SLC40A1: variants seen among roughly 807,000 people sequenced by gnomAD.
SLC40A1 encodes ferroportin.
SLC40A1 carries 16 observed loss-of-function variants against 53.5 expected under a neutral mutation model. That is an observed-to-expected ratio of 0.30 (90% CI 0.20 to 0.45). The LOEUF is 0.45. Ranked by LOEUF, SLC40A1 falls within the 20% of genes least tolerant of loss-of-function variation. The probability of loss-of-function intolerance (pLI) is 1.00; values close to 1 mark genes in which losing one functional copy is unlikely to be tolerated. For missense variants in SLC40A1, 545 were observed against 695.4 expected, an observed-to-expected ratio of 0.78 and a Z score of 2.43; for synonymous variants, 247 against 253.2, an observed-to-expected ratio of 0.98 and a Z score of 0.23.
At chr2:189,566,961 T>C (rs2030957361) in intron 5 of SLC40A1, among the ~76,000 whole-genome samples, 1 of 152,188 alleles carries the variant, frequency 6.6e-6, no homozygotes, top group South Asian at 2.1e-4. Context: ...CGTGCATTTT[T>C]TTCCAGCCAT....
chr2:189,571,685 T>G, intron 5 of SLC40A1, 30 bp downstream of exon 5: 1 of 1,610,474 alleles, frequency 6.2e-7, no homozygotes, highest in Non-Finnish European at 8.5e-7. Context: ...CCTAACATGC[T>G]CATTTCATTA....
intron 1 of SLC40A1, among the ~76,000 whole-genome samples, chr2:189,580,112 C>T (rs1489473932): frequency 2.6e-5 from 4 of 152,178 alleles, no homozygotes; most frequent in African/African-American, 9.6e-5. Context: ...TCACATTTCA[C>T]ATACAGTGAA....
Position 189,561,976 on chromosome 2 carries a change from G to A in SLC40A1, c.1618C>T (p.Arg540Ter), listed in dbSNP as rs777291496. 3 of 1,614,066 alleles carry A rather than the reference G, an allele frequency of 1.9e-6. No homozygotes were observed. The highest frequency in any genetic ancestry group is 2.5e-6 in the Non-Finnish European group (3 of 1,179,980). The change falls in exon 8 of 8, where the codon CGA becomes TGA. Residue 540 changes from arginine (R) to a stop codon, truncating the protein, a stop_gained. Coordinates refer to ENST00000261024, the MANE Select transcript of SLC40A1 (RefSeq NM_014585.6). LOFTEE classifies it high-confidence loss of function. ...TTTCCCAGAGTATTTTGGGCAAATC[G>A]GAAATACATAATGTGGCCCATTGCC... ...FVAMGHIMYF[R>*]FAQNTLGNKL...
In SLC40A1 at chr2:189,563,875, G is replaced by C. The variant is rs146240138; in HGVS notation, c.1111C>G (p.Arg371Gly). 2.4e-5 allele frequency: 38 copies of C among 1,614,036 alleles called. No individual in the cohort carries two copies. The South Asian group carries it at 4.2e-4, about 18-fold the overall frequency. ...GCCAATCCTGAGATCAGACCTGTCC[G>C]AACCAAACCACATTTTCGACGTAGC... ...TWLRRKCGLV[R>G]TGLISGLAQL... is the part of the protein sequence containing the mutation. Residue 371 changes from arginine to glycine, a missense_variant, in exon 7 of 8, where the codon CGG becomes GGG. Physicochemically the swap from Arg to Gly is moderately radical, Grantham distance 125. Transcript: ENST00000261024.
rs1347396207 is a variant in SLC40A1 at position 189,569,060 on chromosome 2, T to TA, written c.514+2654dup. 2.0e-5 allele frequency among the ~76,000 whole-genome samples: 3 copies of TA among 152,188 alleles called. No homozygotes were observed. The East Asian group carries it at 5.8e-4, about 29-fold the overall frequency. ...TGGTTAGCAGTATTCATGAGAAAAATAAAACACCTTTTCTGGAACTTTCCA... is the reference window on the plus strand; with the variant it reads ...TGGTTAGCAGTATTCATGAGAAAAATAAAAACACCTTTTCTGGAACTTTCCA... On this transcript the variant is annotated intron_variant, in intron 5 of 7. Transcript: ENST00000261024.
At chr2:189,562,326 T>C (rs1316430046) in intron 7 of SLC40A1, 135 bp from the exon 8 acceptor site, 6 of 637,414 alleles carry the variant, frequency 9.4e-6, no homozygotes, top group Admixed American at 3.0e-5. Flanking sequence ...AAATATACCA[T>C]AGCCTTGCCT....
chr2:189,576,093 T>C (rs752504820), intron 2 of SLC40A1, among the ~76,000 whole-genome samples: 7 of 152,192 alleles, frequency 4.6e-5, no homozygotes, highest in Non-Finnish European at 2.9e-5. Flanking sequence ...TACCGTGAAA[T>C]GTGATTTAAC....
At position 189,563,764 on chromosome 2, in the gene SLC40A1, T is replaced by A. The variant is rs747723111; in HGVS notation, c.1222A>T (p.Ile408Phe). ...TCTCCTTGAATGAACCTTGATCGGA[T>A]ATCTTCAAAAGGAGAAACGGACAAG... ...LDLSVSPFED[I>F]RSRFIQGESI... The change falls in exon 7 of 8, where the codon ATC becomes TTC. Residue 408 changes from isoleucine (I) to phenylalanine (F), a missense_variant. By Grantham distance (21) the Ile-to-Phe change is conservative. Coordinates refer to ENST00000261024, the MANE Select transcript of SLC40A1 (RefSeq NM_014585.6). 4 of 1,614,174 alleles carry A rather than the reference T, an allele frequency of 2.5e-6. No homozygotes were observed. Among genetic ancestry groups the A allele is most frequent in the Non-Finnish European group, 3.4e-6 (4 of 1,180,024 alleles).
chr2:189,578,505 G>C, intron 2 of SLC40A1: 1 of 294,926 alleles, frequency 3.4e-6, no homozygotes, highest in Non-Finnish European at 5.5e-6. Flanking sequence ...ACCATAATCA[G>C]AACTTGGAAG....
Position 189,562,209 on chromosome 2 carries a change from T to C in SLC40A1, c.1403-18A>G. The C allele has an allele frequency of 6.4e-7, 1 of 1,559,284 alleles. No homozygotes were observed. The highest frequency in any genetic ancestry group is 8.7e-7 in the Non-Finnish European group (1 of 1,147,776). Reference sequence around the variant, plus strand: ...CCAAAGACCTATAATAAAATATTTTTTTAAAGATTAGATTTTAGTTTACAG... The same window carrying C: ...CCAAAGACCTATAATAAAATATTTTCTTAAAGATTAGATTTTAGTTTACAG... On this transcript the variant is annotated intron_variant, in intron 7 of 7. Coordinates refer to ENST00000261024, the MANE Select transcript of SLC40A1 (RefSeq NM_014585.6).
chr2:189,563,345 C>T (rs1199171116), intron 7 of SLC40A1, among the ~76,000 whole-genome samples: 1 of 149,762 alleles, frequency 6.7e-6, no homozygotes, highest in African/African-American at 2.4e-5. Context: ...TATTTTCAAG[C>T]CTGAACCATG....
chr2:189,564,973 T>G (rs1183997554), intron 6 of SLC40A1, among the ~76,000 whole-genome samples: 2 of 152,220 alleles, frequency 1.3e-5, no homozygotes, highest in Non-Finnish European at 1.5e-5. Context: ...TCCCTTCCAC[T>G]GTCCTACAAA....
At chr2:189,568,413 C>T (rs1189323621) in intron 5 of SLC40A1, among the ~76,000 whole-genome samples, 3 of 151,954 alleles carry the variant, frequency 2.0e-5, no homozygotes, top group African/African-American at 7.2e-5. Flanking sequence ...GGCGTGAACC[C>T]AGGAGGCGGA....
chr2:189,569,811 T>C (rs567632361), intron 5 of SLC40A1, among the ~76,000 whole-genome samples: 1 of 152,244 alleles, frequency 6.6e-6, no homozygotes, highest in East Asian at 1.9e-4. Flanking sequence ...CTGAATAGCC[T>C]AGATTCTTCC....
chr2:189,565,852 A>G (rs2030923484), intron 5 of SLC40A1, among the ~76,000 whole-genome samples: 1 of 152,248 alleles, frequency 6.6e-6, no homozygotes, highest in Non-Finnish European at 1.5e-5. Flanking sequence ...AAATGAATAC[A>G]GCAGTGACTC....
At chr2:189,569,241 A>G (rs971772513) in intron 5 of SLC40A1, among the ~76,000 whole-genome samples, 1 of 152,196 alleles carries the variant, frequency 6.6e-6, no homozygotes, top group African/African-American at 2.4e-5. Flanking sequence ...GTGATGAGGA[A>G]ATGGGAGCAA....
At chr2:189,564,923 G>A (rs989318967) in intron 6 of SLC40A1, among the ~76,000 whole-genome samples, 7 of 152,146 alleles carry the variant, frequency 4.6e-5, no homozygotes, top group African/African-American at 7.2e-5. Context: ...GAAGCCCAGC[G>A]TCCTCTTCTC....
At position 189,571,220 on chromosome 2, in the gene SLC40A1, T is replaced by C. The variant is rs183215919; in HGVS notation, c.514+495A>G. On this transcript the variant is annotated intron_variant, in intron 5 of 7. Coordinates refer to ENST00000261024, the MANE Select transcript of SLC40A1 (RefSeq NM_014585.6). ...TTGGTATTTGTAACAGCAATTATAT[T>C]ACATTGTACATAATGTAATAAAATT... Among the ~76,000 whole-genome samples the C allele has an allele frequency of 2.5e-3, 374 of 152,296 alleles. 7 individuals carry two copies. The highest frequency in any genetic ancestry group is 1.3e-3 in the East Asian group (7 of 5,186).
chr2:189,569,598 C>G lies in SLC40A1; in HGVS notation c.514+2117G>C, dbSNP rs551580023. Reference sequence around the variant, plus strand: ...GGCACAAAAAATCCACAATTAGATACTTTCTGACCTTCAGAACTAAAGAAG... The same window carrying G: ...GGCACAAAAAATCCACAATTAGATAGTTTCTGACCTTCAGAACTAAAGAAG... On this transcript the variant is annotated intron_variant, in intron 5 of 7. Coordinates refer to ENST00000261024, the MANE Select transcript of SLC40A1 (RefSeq NM_014585.6). 1.2e-4 allele frequency among the ~76,000 whole-genome samples: 18 copies of G among 152,328 alleles called. 1 individual carries two copies. In the South Asian group the frequency reaches 3.7e-3, roughly 32 times the overall value.
Sources: allele counts gnomAD v4.1 joint callset (sites outside exome capture counted in the v4.1 genomes callset), GRCh38; gene constraint gnomAD v4.1.1; transcripts MANE v1.5; gene names NCBI Gene and HGNC (gene_info 2026-07-23, HGNC 2026-07-21).